NPAS3: variants seen among roughly 807,000 people sequenced by gnomAD.
NPAS3 encodes the protein neuronal PAS domain protein 3.
A neutral mutation model predicts 73.1 loss-of-function variants in NPAS3; 14 were observed. The observed-to-expected ratio is 0.19, with a 90% CI of 0.13 to 0.30. The LOEUF (loss-of-function observed/expected upper bound fraction) is 0.30. NPAS3 is among the 10% of genes least tolerant of loss of function. The probability of loss-of-function intolerance (pLI) is 1.00; values close to 1 mark genes in which losing one functional copy is unlikely to be tolerated. For synonymous variants in NPAS3, 620 were observed against 541.5 expected, an observed-to-expected ratio of 1.14 and a Z score of -2.01; for missense variants, 1,096 against 1,250.0, an observed-to-expected ratio of 0.88 and a Z score of 1.86.
In NPAS3 at chr14:33,109,782, C is replaced by T. The variant is rs550662959; in HGVS notation, c.140+53788C>T. Among the ~76,000 whole-genome samples the T allele has an allele frequency of 5.5e-5, 8 of 146,190 alleles. No individual in the cohort carries two copies. The South Asian group carries it at 1.6e-3, about 29-fold the overall frequency. ...TTTTACATGTATACAGCCTTATACA[C>T]GTTACCTCTTATCTGTAATTTGCAT... On this transcript the variant is annotated intron_variant, in intron 2 of 11. Coordinates refer to ENST00000356141, the Ensembl canonical transcript of NPAS3.
chr14:33,204,239 C>A (rs2046737232), intron 2 of NPAS3, among the ~76,000 whole-genome samples: 1 of 152,096 alleles, frequency 6.6e-6, no homozygotes, highest in South Asian at 2.1e-4. Flanking sequence ...AATATCATGA[C>A]CCTTCAAATT....
chr14:33,534,760 C>T (rs1448949537), intron 4 of NPAS3, among the ~76,000 whole-genome samples: 1 of 152,134 alleles, frequency 6.6e-6, no homozygotes, highest in Non-Finnish European at 1.5e-5. Flanking sequence ...CGTGACCACA[C>T]AGCGTGCACT....
intron 9 of NPAS3, among the ~76,000 whole-genome samples, chr14:33,787,533 T>C (rs1220473396): frequency 6.7e-6 from 1 of 150,050 alleles, no homozygotes; most frequent in Non-Finnish European, 1.5e-5. Context: ...GTCCTTAAGC[T>C]CATAACTCAC....
chr14:33,074,350 C>T (rs547067690), intron 2 of NPAS3, among the ~76,000 whole-genome samples: 1 of 152,306 alleles, frequency 6.6e-6, no homozygotes, highest in East Asian at 1.9e-4. Context: ...TGAATGCTGC[C>T]TGTGCATTAA....
At chr14:32,979,683 G>A (rs917281342) in intron 1 of NPAS3, among the ~76,000 whole-genome samples, 4 of 152,074 alleles carry the variant, frequency 2.6e-5, no homozygotes, top group African/African-American at 7.2e-5. Flanking sequence ...GGATTTAAAT[G>A]CATCATATTA....
chr14:33,301,755 A>G (rs1041411968), intron 3 of NPAS3, among the ~76,000 whole-genome samples: 2 of 152,242 alleles, frequency 1.3e-5, no homozygotes, highest in Non-Finnish European at 2.9e-5. Context: ...TAATTCTGTA[A>G]GTACCATGGT....
At chr14:33,580,082 C>T (rs2056603269) in intron 5 of NPAS3, among the ~76,000 whole-genome samples, 1 of 152,196 alleles carries the variant, frequency 6.6e-6, no homozygotes, top group Non-Finnish European at 1.5e-5. Flanking sequence ...CTTGAAGCTA[C>T]TGTCACAATG....
At chr14:32,943,798 C>T (rs2036136985) in intron 1 of NPAS3, among the ~76,000 whole-genome samples, 1 of 151,356 alleles carries the variant, frequency 6.6e-6, no homozygotes, top group Non-Finnish European at 1.5e-5. Context: ...AAATGATTCT[C>T]CTGTCTCAGC....
intron 3 of NPAS3, among the ~76,000 whole-genome samples, chr14:33,359,425 T>G (rs1240704708): frequency 6.6e-6 from 1 of 152,206 alleles, no homozygotes; most frequent in East Asian, 1.9e-4. Flanking sequence ...TGTGGACGTC[T>G]TCCTTTTACC....
At chr14:33,544,567 T>C (rs908517939) in intron 4 of NPAS3, among the ~76,000 whole-genome samples, 1 of 151,554 alleles carries the variant, frequency 6.6e-6, no homozygotes, top group South Asian at 2.1e-4. Flanking sequence ...AAAGGCCATG[T>C]GAGGACACAG....
intron 1 of NPAS3, among the ~76,000 whole-genome samples, chr14:32,983,498 C>A (rs1365411877): frequency 6.6e-6 from 1 of 151,858 alleles, no homozygotes; most frequent in Non-Finnish European, 1.5e-5. Flanking sequence ...ATTTTTGTTC[C>A]TCTAACAATA....
chr14:33,041,606 C>A (rs536461344), intron 1 of NPAS3, among the ~76,000 whole-genome samples: 80 of 152,250 alleles, frequency 5.3e-4, no homozygotes, highest in African/African-American at 1.7e-3. Context: ...TACCGAAACA[C>A]TAGGGGTTTG....
At chr14:33,623,679 C>T (rs1459836672) in intron 5 of NPAS3, among the ~76,000 whole-genome samples, 1 of 152,134 alleles carries the variant, frequency 6.6e-6, no homozygotes. Context: ...TGCTATAAGC[C>T]CTCTGTGACC....
intron 3 of NPAS3, among the ~76,000 whole-genome samples, chr14:33,224,774 T>A (rs1182827020): frequency 6.6e-6 from 1 of 152,152 alleles, no homozygotes; most frequent in East Asian, 1.9e-4. Flanking sequence ...GAGCAAATGA[T>A]AACATTTTAT....
At chr14:33,502,095 C>T (rs1595042308) in intron 4 of NPAS3, among the ~76,000 whole-genome samples, 1 of 151,834 alleles carries the variant, frequency 6.6e-6, no homozygotes, top group South Asian at 2.1e-4. Context: ...TCTATAGCAG[C>T]ATTAAAAATG....
At chr14:33,725,270 T>A (rs1175951361) in intron 6 of NPAS3, among the ~76,000 whole-genome samples, 4 of 151,782 alleles carry the variant, frequency 2.6e-5, no homozygotes, top group South Asian at 2.1e-4. Context: ...TAATAAAAAA[T>A]AAATAAATAA....
At chr14:33,067,106 A>G (rs1019354474) in intron 2 of NPAS3, among the ~76,000 whole-genome samples, 5 of 152,164 alleles carry the variant, frequency 3.3e-5, no homozygotes, top group Non-Finnish European at 7.4e-5. Context: ...GTAACTAACT[A>G]TTGGAGACCC....
At chr14:33,448,032 C>T (rs999537669) in intron 4 of NPAS3, among the ~76,000 whole-genome samples, 2 of 152,018 alleles carry the variant, frequency 1.3e-5, no homozygotes, top group Admixed American at 6.5e-5. Context: ...GCACGTCTGG[C>T]CAGAATATTT....
intron 4 of NPAS3, among the ~76,000 whole-genome samples, chr14:33,543,946 C>CATATATATATATATCT (rs2054634272): frequency 9.5e-6 from 1 of 104,940 alleles, no homozygotes; most frequent in Non-Finnish European, 2.2e-5. Context: ...TGGCAAAGTG[C>CATATATATATATATCT]ATATATATAT....
Sources: gnomAD v4.1 joint callset for allele counts (sites outside exome capture counted in the v4.1 genomes callset) on GRCh38, gnomAD v4.1.1 for gene constraint, MANE v1.5 for transcripts, NCBI Gene and HGNC (gene_info 2026-07-23, HGNC 2026-07-21) for gene names.